Variants in HIVEP3 observed in about 807,000 individuals in gnomAD.
HIVEP3 encodes HIVEP zinc finger 3, also known as transcription factor HIVEP3.
A neutral mutation model predicts 152.8 loss-of-function variants in HIVEP3; 49 were observed. That is an observed-to-expected ratio of 0.32 (90% CI 0.26 to 0.41). The LOEUF (loss-of-function observed/expected upper bound fraction) is 0.41. Ranked by LOEUF, HIVEP3 falls within the 10% of genes least tolerant of loss-of-function variation. The pLI is 1.00. For synonymous variants in HIVEP3, 1,269 were observed against 1,289.0 expected, an observed-to-expected ratio of 0.98 and a Z score of 0.33; for missense variants, 2,790 against 3,103.3, an observed-to-expected ratio of 0.90 and a Z score of 2.40.
At chr1:41,969,018 C>A (rs939408664) in intron 1 of HIVEP3, among the ~76,000 whole-genome samples, 1 of 152,100 alleles carries the variant, frequency 6.6e-6, no homozygotes, top group African/African-American at 2.4e-5. Context: ...TGAAGGACCT[C>A]TTCAAGGAGA....
chr1:41,519,809 T>G (rs1642709398), intron 6 of HIVEP3, among the ~76,000 whole-genome samples: 1 of 151,912 alleles, frequency 6.6e-6, no homozygotes, highest in African/African-American at 2.4e-5. Context: ...AGGAGATGAA[T>G]AGGCAGACGG....
At chr1:41,547,419 A>G (rs528174964) in intron 5 of HIVEP3, among the ~76,000 whole-genome samples, 1 of 152,088 alleles carries the variant, frequency 6.6e-6, no homozygotes, top group Admixed American at 6.5e-5. Context: ...GCTCCAGGGA[A>G]TGGGGGTGCC....
intron 1 of HIVEP3, among the ~76,000 whole-genome samples, chr1:41,728,004 G>C (rs7518397): frequency 0.013 from 2,001 of 152,316 alleles, 45 homozygotes; most frequent in African/African-American, 0.046. Context: ...GGATACCTGG[G>C]GAACAGACAG....
intron 1 of HIVEP3, among the ~76,000 whole-genome samples, chr1:41,939,807 CAGTACTTGCCTG>C (rs1198353031): frequency 6.6e-6 from 1 of 152,122 alleles, no homozygotes; most frequent in African/African-American, 2.4e-5. Context: ...AACCAAGACT[CAGTACTTGCCTG>C]AGTTATTAAG....
chr1:41,792,995 T>C (rs567535203), intron 1 of HIVEP3, among the ~76,000 whole-genome samples: 1 of 152,324 alleles, frequency 6.6e-6, no homozygotes, highest in African/African-American at 2.4e-5. Context: ...CTTTCCAATG[T>C]GAATGGCCAC....
intron 1 of HIVEP3, among the ~76,000 whole-genome samples, chr1:41,907,463 T>C (rs1480271137): frequency 7.2e-5 from 11 of 152,138 alleles, no homozygotes; most frequent in Non-Finnish European, 1.6e-4. Flanking sequence ...ACAGCACCCA[T>C]ATGAGGTGCA....
chr1:41,727,037 G>C (rs527749355), intron 1 of HIVEP3, among the ~76,000 whole-genome samples: 2 of 152,204 alleles, frequency 1.3e-5, no homozygotes, highest in Non-Finnish European at 2.9e-5. Flanking sequence ...CAGATGGCGA[G>C]GTCTGCCTTT....
intron 1 of HIVEP3, among the ~76,000 whole-genome samples, chr1:41,710,151 T>C (rs1646491451): frequency 1.3e-5 from 2 of 152,122 alleles, no homozygotes; most frequent in African/African-American, 2.4e-5. Context: ...GCCAGGGGAT[T>C]TGTCACTTCC....
At chr1:41,940,566 A>T (rs570025911) in intron 1 of HIVEP3, among the ~76,000 whole-genome samples, 1 of 152,366 alleles carries the variant, frequency 6.6e-6, no homozygotes, top group East Asian at 1.9e-4. Flanking sequence ...AGAGACAAAA[A>T]TGTTTACATA....
At chr1:41,528,187 A>C (rs1569754191) in intron 5 of HIVEP3, among the ~76,000 whole-genome samples, 2 of 73,044 alleles carry the variant, frequency 2.7e-5, no homozygotes, top group African/African-American at 5.8e-5. Flanking sequence ...CCCCACCCTC[A>C]CCTTCACACA....
At chr1:41,757,061 G>T (rs1450160688) in intron 1 of HIVEP3, among the ~76,000 whole-genome samples, 1 of 150,518 alleles carries the variant, frequency 6.6e-6, no homozygotes, top group Non-Finnish European at 1.5e-5. Context: ...AGGCCAGCCT[G>T]GGCAACATAG....
intron 1 of HIVEP3, among the ~76,000 whole-genome samples, chr1:41,739,482 C>T (rs1646966429): frequency 6.6e-6 from 1 of 152,218 alleles, no homozygotes; most frequent in South Asian, 2.1e-4. Flanking sequence ...TGGGCACCCA[C>T]AACTCTCTTT....
intron 1 of HIVEP3, among the ~76,000 whole-genome samples, chr1:41,821,172 C>T (rs149607494): frequency 1.3e-5 from 2 of 152,286 alleles, no homozygotes; most frequent in Non-Finnish European, 2.9e-5. Flanking sequence ...GGTCTGGCTG[C>T]AAATCCCCTG....
chr1:41,636,594 T>C (rs1039336384), intron 2 of HIVEP3, among the ~76,000 whole-genome samples: 2 of 152,160 alleles, frequency 1.3e-5, no homozygotes, highest in African/African-American at 4.8e-5. Flanking sequence ...TAATATGTAA[T>C]AAGCATCCAC....
At chr1:41,923,353 A>G (rs1644951009), upstream of HIVEP3, among the ~76,000 whole-genome samples, 1 of 152,232 alleles carries the variant, frequency 6.6e-6, no homozygotes, top group East Asian at 1.9e-4. Flanking sequence ...GGATAAACCT[A>G]GAGGACATTA....
chr1:41,984,798 A>G (rs923522230), intron 1 of HIVEP3, among the ~76,000 whole-genome samples: 4 of 152,212 alleles, frequency 2.6e-5, no homozygotes, highest in Non-Finnish European at 5.9e-5. Context: ...TATATATCCC[A>G]CAGACCACTT....
At chr1:41,949,139 C>T (rs565658537) in intron 1 of HIVEP3, among the ~76,000 whole-genome samples, 4 of 152,298 alleles carry the variant, frequency 2.6e-5, no homozygotes, top group Admixed American at 6.5e-5. Context: ...CTCAGCCTAT[C>T]GTTGTTTGAA....
At chr1:41,520,548 C>G (rs1642734392) in intron 6 of HIVEP3, among the ~76,000 whole-genome samples, 1 of 152,130 alleles carries the variant, frequency 6.6e-6, no homozygotes, top group South Asian at 2.1e-4. Context: ...TTCCGCGGAT[C>G]AGAGATACCC....
intron 1 of HIVEP3, among the ~76,000 whole-genome samples, chr1:41,709,309 C>A (rs1646478779): frequency 6.6e-6 from 1 of 152,216 alleles, no homozygotes. Context: ...CAGCCCAAAG[C>A]CTCCTAACAG....
Sources: gnomAD v4.1 joint callset for allele counts (sites outside exome capture counted in the v4.1 genomes callset) on GRCh38, gnomAD v4.1.1 for gene constraint, MANE v1.5 for transcripts, NCBI Gene and HGNC (gene_info 2026-07-23, HGNC 2026-07-21) for gene names.